PLCH2: variants seen among roughly 807,000 people sequenced by gnomAD.
The protein encoded by PLCH2 is 1-phosphatidylinositol 4,5-bisphosphate phosphodiesterase eta-2.
In PLCH2, 98 loss-of-function variants were observed where a neutral mutation model predicts 134.7. The observed-to-expected ratio is 0.73, with a 90% CI of 0.62 to 0.86. The LOEUF is 0.86. Ranked by LOEUF, PLCH2 falls within the 40% of genes least tolerant of loss-of-function variation. The probability of loss-of-function intolerance (pLI) is 0.00; values close to 1 mark genes in which losing one functional copy is unlikely to be tolerated. For synonymous variants in PLCH2, 974 were observed against 827.5 expected (o/e 1.18, Z -3.04); for missense variants, 1,994 against 1,986.6 (o/e 1.00, Z -0.07).
At position 2,498,765 on chromosome 1, in the gene PLCH2, G is replaced by A; in HGVS notation, c.2371G>A (p.Val791Met). 2 of 1,611,194 alleles carry A rather than the reference G, an allele frequency of 1.2e-6. No homozygotes were observed. Among genetic ancestry groups the A allele is most frequent in the Non-Finnish European group, 8.5e-7 (1 of 1,179,074 alleles). ...CCAGATCATCGACCCCTTTGTGGAGGTGGAGATCATTGGGCTCCCTGTGGA... is the reference window on the plus strand; with the variant it reads ...CCAGATCATCGACCCCTTTGTGGAGATGGAGATCATTGGGCTCCCTGTGGA... ...RGEIIDPFVE[V>M]EIIGLPVDCS... Residue 791 changes from valine (V) to methionine (M), a missense_variant, in exon 18 of 22, where the codon GTG becomes ATG. This residue lies in a region of PLCH2 where 1,094 missense variants were observed against 1,234.3 expected (regional missense o/e 0.89). Coordinates refer to ENST00000378486, the MANE Select transcript of PLCH2 (RefSeq NM_014638.4). The surrounding 1 kb of genome is among the most constrained non-coding windows in gnomAD (Gnocchi z 5.4).
At chr1:2,489,702 G>T in intron 9 of PLCH2, 58 bp from the exon 10 acceptor site, 1 of 1,369,456 alleles carries the variant, frequency 7.3e-7, no homozygotes, top group East Asian at 2.3e-5. Context: ...TGGGTGCCAG[G>T]TACTGGCTTC....
chr1:2,502,738 C>T (rs1187817562), intron 21 of PLCH2: 16 of 715,820 alleles, frequency 2.2e-5, no homozygotes, highest in Admixed American at 1.4e-4. Flanking sequence ...CAGGCGGTAG[C>T]GGCTCCATGT....
chr1:2,462,862 G>C (rs1361934603), upstream of PLCH2, among the ~76,000 whole-genome samples: 1 of 152,196 alleles, frequency 6.6e-6, no homozygotes, highest in African/African-American at 2.4e-5. Context: ...ATGTGTGTCG[G>C]GGTGGTGGGG....
chr1:2,422,430 G>T (rs35799953), upstream of PLCH2, among the ~76,000 whole-genome samples: 50,225 of 152,142 alleles, frequency 0.33, 8,500 homozygotes, highest in East Asian at 0.52. Flanking sequence ...CTGCATCTGC[G>T]TTGCATCTGT....
chr1:2,477,849 G>T (rs1285977859), intron 1 of PLCH2, among the ~76,000 whole-genome samples: 1 of 152,222 alleles, frequency 6.6e-6, no homozygotes, highest in East Asian at 1.9e-4. Context: ...GAGGGGTGGG[G>T]GCTTTCCTGG....
At chr1:2,497,768 T>G in intron 16 of PLCH2, 159 bp downstream of exon 16, 13 of 510,866 alleles carry the variant, frequency 2.5e-5, no homozygotes, top group Non-Finnish European at 2.8e-5. Context: ...GCTCCCAGGA[T>G]GCTGGGGAGG....
In PLCH2 at chr1:2,484,562, C is replaced by G; in HGVS notation, c.760C>G (p.His254Asp). The G allele has an allele frequency of 6.2e-7, 1 of 1,613,188 alleles. No individual in the cohort carries two copies. Among genetic ancestry groups the G allele is most frequent in the Non-Finnish European group, 8.5e-7 (1 of 1,179,812 alleles). ...CCTGCTCATGCTGACCTACAGCAAC[C>G]ACAAGGACCACCTGGATGCCGCCAG... is the stretch of plus-strand genomic sequence containing the variant. ...LYLLMLTYSN[H>D]KDHLDAASLQ... Residue 254 changes from histidine (H) to aspartate (D), a missense_variant, in exon 5 of 22, where the codon CAC becomes GAC. By Grantham distance (81) the His-to-Asp change is moderately conservative (BLOSUM62 -1). This residue lies in a region of PLCH2 where 1,094 missense variants were observed against 1,234.3 expected (regional missense o/e 0.89). Transcript: ENST00000378486.
chr1:2,418,619 A>G, the PLCH2 span, among the ~76,000 whole-genome samples: 1 of 152,204 alleles, frequency 6.6e-6, no homozygotes, highest in Non-Finnish European at 1.5e-5. Context: ...AGGGCTCCCC[A>G]CGAGGCTGCT....
rs745954664 is a variant in PLCH2 at position 2,505,021 on chromosome 1, C to G, written c.4059C>G (p.Ala1353=). Residue 1353 remains alanine (A), a synonymous_variant, in exon 22 of 22, where the codon GCC becomes GCG. Coordinates refer to ENST00000378486, the MANE Select transcript of PLCH2 (RefSeq NM_014638.4). ...HSRVRAIASR[A]RQAQERQQRL... The stretch of plus-strand genomic sequence containing the variant: ...GCGTGCGTGCCATTGCCAGCCGGGC[C>G]CGCCAGGCCCAGGAGCGGCAGCAGA... 161 of 1,543,724 alleles carry G rather than the reference C, an allele frequency of 1.0e-4. No homozygotes were observed. Among genetic ancestry groups the G allele is most frequent in the Non-Finnish European group, 1.2e-4 (142 of 1,151,190 alleles).
chr1:2,418,731 G>A, the PLCH2 span, among the ~76,000 whole-genome samples: 1 of 152,298 alleles, frequency 6.6e-6, no homozygotes, highest in South Asian at 2.1e-4. Flanking sequence ...GGTCCTGTCT[G>A]TGCGAGTGGG....
Position 2,476,776 on chromosome 1 carries a change from G to A in PLCH2, c.124+64G>A. The A allele has an allele frequency of 2.0e-6, 3 of 1,498,176 alleles. No individual in the cohort carries two copies. The Admixed American group carries it at 6.7e-5, about 33-fold the overall frequency. 92.8% of individuals were successfully genotyped at this position (1,498,176 alleles called of 1,614,324 possible). ...GCCCTGGCCAGGTGACTGGTGGGTG[G>A]GGGCTGTTCCTGGAGGTGGGGGAAG... is the stretch of plus-strand genomic sequence containing the variant. On this transcript the variant is annotated intron_variant, in intron 1 of 21. Coordinates refer to ENST00000378486, the MANE Select transcript of PLCH2 (RefSeq NM_014638.4).
rs1368971902 is a variant in PLCH2, at chr1:2,504,819, C to A, written c.3857C>A (p.Thr1286Lys). The A allele has an allele frequency of 6.2e-7, 1 of 1,610,404 alleles. No individual in the cohort carries two copies. The highest frequency in any genetic ancestry group is 1.1e-5 in the South Asian group (1 of 90,926). Reference protein sequence around the residue: ...LSHSLGLPGGTRRVSGPGVRR... With the variant: ...LSHSLGLPGGKRRVSGPGVRR... ...CACAGCCTGGGCCTCCCGGGAGGGA[C>A]ACGGCGGGTGTCGGGGCCAGGGGTG... Residue 1286 changes from threonine to lysine, a missense_variant, in exon 22 of 22, where the codon ACA becomes AAA. Coordinates refer to ENST00000378486, the MANE Select transcript of PLCH2 (RefSeq NM_014638.4).
intron 2 of PLCH2, among the ~76,000 whole-genome samples, chr1:2,433,949 G>A (rs1639193086): frequency 6.6e-6 from 1 of 151,738 alleles, no homozygotes; most frequent in Non-Finnish European, 1.5e-5. Flanking sequence ...GGCTTTGAGT[G>A]TCTGCCTCAT....
rs1205014045 is a variant in PLCH2 at position 2,504,924 on chromosome 1, T to C, written c.3962T>C (p.Leu1321Pro). Reference protein sequence around the residue: ...QAGDITSPTSLGPAGEGVAGG... With the variant: ...QAGDITSPTSPGPAGEGVAGG... ...GGAGACATCACGTCACCCACCAGCCTGGGCCCGGCTGGGGAGGGGGTGGCA... is the reference window on the plus strand; with the variant it reads ...GGAGACATCACGTCACCCACCAGCCCGGGCCCGGCTGGGGAGGGGGTGGCA... Residue 1321 changes from leucine to proline, a missense_variant, in exon 22 of 22, where the codon CTG becomes CCG. Leu to Pro is a moderately conservative substitution (Grantham distance 98). Transcript: ENST00000378486. The C allele has an allele frequency of 6.4e-7, 1 of 1,570,546 alleles. No homozygotes were observed. The highest frequency in any genetic ancestry group is 1.2e-5 in the South Asian group (1 of 86,296).
rs1335524547 is a variant in PLCH2, at chr1:2,496,825, C to T, written c.1934-3C>T. The T allele has an allele frequency of 1.2e-6, 2 of 1,611,616 alleles. No individual in the cohort carries two copies. Among genetic ancestry groups the T allele is most frequent in the Non-Finnish European group, 8.5e-7 (1 of 1,178,850 alleles). ...GTCTGATGCCCGGTCACCGGCGCCA[C>T]AGCGGCGTCCAGCTGGCAGGTGTCG... is the stretch of plus-strand genomic sequence containing the variant. On this transcript the variant is annotated splice_polypyrimidine_tract_variant and splice_region_variant and intron_variant, in intron 14 of 21. Coordinates refer to ENST00000378486, the MANE Select transcript of PLCH2 (RefSeq NM_014638.4).
At chr1:2,494,796 G>A (rs552291894) in intron 11 of PLCH2, 60 bp from the exon 12 acceptor site, 38 of 1,160,556 alleles carry the variant, frequency 3.3e-5, no homozygotes, top group Admixed American at 2.1e-5. Context: ...GGGCTGTCCC[G>A]GCCTCCCTGC....
At chr1:2,483,784 T>TG (rs1202032444) in intron 4 of PLCH2, among the ~76,000 whole-genome samples, 13 of 136,528 alleles carry the variant, frequency 9.5e-5, no homozygotes, top group Admixed American at 2.2e-4. Context: ...CTGACCCCCG[T>TG]TTGGGGGGGC....
upstream of PLCH2, chr1:2,425,901 C>T (rs925487218): frequency 2.0e-5 from 3 of 152,218 alleles, no homozygotes; most frequent in African/African-American, 7.2e-5. Flanking sequence ...CAGGAAAGTC[C>T]TGCTCCCCAC....
chr1:2,443,305 C>T (rs1489602650), intron 2 of PLCH2, among the ~76,000 whole-genome samples: 1 of 152,106 alleles, frequency 6.6e-6, no homozygotes, highest in Non-Finnish European at 1.5e-5. Flanking sequence ...CCCCAGTCCT[C>T]AAATGGGGAA....
Sources: gnomAD v4.1 joint callset for allele counts (sites outside exome capture counted in the v4.1 genomes callset) on GRCh38, gnomAD v4.1.1 for gene constraint, gnomAD v4.1.1 regional missense constraint, Gnocchi (gnomAD v3.1) non-coding constraint, MANE v1.5 for transcripts, NCBI Gene and HGNC (gene_info 2026-07-23, HGNC 2026-07-21) for gene names.